COX7B2: variants seen among roughly 807,000 people sequenced by gnomAD.
The protein encoded by COX7B2 is cytochrome c oxidase subunit 7B2, also known as cytochrome c oxidase subunit 7B2, mitochondrial.
For missense variants in COX7B2, 109 were observed against 95.9 expected (o/e 1.14, Z -0.57); for synonymous variants, 37 against 32.1 (o/e 1.15, Z -0.51).
At chr4:46,824,942 G>A (rs537408183) in intron 2 of COX7B2, among the ~76,000 whole-genome samples, 7 of 152,048 alleles carry the variant, frequency 4.6e-5, no homozygotes, top group South Asian at 2.1e-4. Flanking sequence ...ATAGGCAAAC[G>A]CTGGAAGCAT....
In COX7B2 at chr4:46,876,921, G is replaced by T. The variant is rs193050088; in HGVS notation, c.-104-31907C>A. On this transcript the variant is annotated intron_variant, in intron 1 of 2. Coordinates refer to ENST00000355591, the MANE Select transcript of COX7B2 (RefSeq NM_130902.3). The stretch of plus-strand genomic sequence containing the variant: ...TATTTTTCTGGCAACAGCTACTTTT[G>T]TATATAAAAATTTACCAAACTTTAC... Among the ~76,000 whole-genome samples the T allele has an allele frequency of 1.9e-3, 282 of 152,190 alleles. 1 individual carries two copies. The highest frequency in any genetic ancestry group is 2.7e-3 in the Non-Finnish European group (186 of 68,008).
intron 2 of COX7B2, among the ~76,000 whole-genome samples, chr4:46,799,504 G>A (rs1718538243): frequency 2.0e-5 from 3 of 152,220 alleles, no homozygotes; most frequent in East Asian, 1.9e-4. Flanking sequence ...GTCACAGATA[G>A]CTCTTATTAT....
At chr4:46,782,254 G>T (rs113416519) in intron 2 of COX7B2, among the ~76,000 whole-genome samples, 1 of 152,054 alleles carries the variant, frequency 6.6e-6, no homozygotes, top group Non-Finnish European at 1.5e-5. Context: ...ATCTGGTGGG[G>T]ACTTGGAGAA....
At chr4:46,801,280 A>C (rs1478037098) in intron 2 of COX7B2, among the ~76,000 whole-genome samples, 1 of 152,164 alleles carries the variant, frequency 6.6e-6, no homozygotes, top group Non-Finnish European at 1.5e-5. Context: ...AGACATATGC[A>C]CACATATGTT....
intron 2 of COX7B2, among the ~76,000 whole-genome samples, chr4:46,804,858 G>T (rs1322798555): frequency 6.6e-6 from 1 of 152,224 alleles, no homozygotes; most frequent in Non-Finnish European, 1.5e-5. Flanking sequence ...TGGTTGATGG[G>T]ACTGGGCACC....
chr4:46,775,933 T>C (rs1286293552), intron 2 of COX7B2, among the ~76,000 whole-genome samples: 2 of 152,140 alleles, frequency 1.3e-5, no homozygotes, highest in Non-Finnish European at 2.9e-5. Flanking sequence ...ATTCCCAAGT[T>C]TCTATAAAAA....
chr4:46,750,337 C>T (rs6810436), intron 2 of COX7B2, among the ~76,000 whole-genome samples: 49,692 of 151,606 alleles, frequency 0.33, 8,404 homozygotes, highest in South Asian at 0.47. Flanking sequence ...GAGGCTACAG[C>T]GAGCTATGAT....
chr4:46,745,738 T>C (rs1714985372), intron 2 of COX7B2, among the ~76,000 whole-genome samples: 1 of 152,178 alleles, frequency 6.6e-6, no homozygotes, highest in Non-Finnish European at 1.5e-5. Flanking sequence ...TTCTTTTAAG[T>C]TCCTGAGGGA....
intron 1 of COX7B2, among the ~76,000 whole-genome samples, chr4:46,901,630 T>C (rs1720075497): frequency 6.6e-6 from 1 of 152,232 alleles, no homozygotes; most frequent in Non-Finnish European, 1.5e-5. Context: ...CAGAAGACAT[T>C]AGCATTTGAA....
At chr4:46,858,329 C>G (rs1257192055) in intron 1 of COX7B2, among the ~76,000 whole-genome samples, 1 of 152,134 alleles carries the variant, frequency 6.6e-6, no homozygotes, top group Non-Finnish European at 1.5e-5. Flanking sequence ...CTCCTTCCCT[C>G]AAGTGATCCT....
chr4:46,743,032 T>C (rs889648993), intron 2 of COX7B2, among the ~76,000 whole-genome samples: 10 of 152,146 alleles, frequency 6.6e-5, no homozygotes, highest in Admixed American at 4.6e-4. Context: ...TACTCACTCT[T>C]TTTCCTTTCT....
At chr4:46,907,612 AT>A (rs1296028881) in intron 1 of COX7B2, among the ~76,000 whole-genome samples, 1 of 152,022 alleles carries the variant, frequency 6.6e-6, no homozygotes, top group Non-Finnish European at 1.5e-5. Context: ...CCGTAATTTG[AT>A]ATCCATATGC....
chr4:46,761,055 A>G (rs1287794402), intron 2 of COX7B2, among the ~76,000 whole-genome samples: 1 of 152,050 alleles, frequency 6.6e-6, no homozygotes, highest in East Asian at 1.9e-4. Flanking sequence ...TTGTCACCTG[A>G]GCTGGCTGCA....
At chr4:46,840,564 G>A (rs952883373) in intron 2 of COX7B2, among the ~76,000 whole-genome samples, 1 of 152,028 alleles carries the variant, frequency 6.6e-6, no homozygotes, top group Non-Finnish European at 1.5e-5. Context: ...ACTAATGGCT[G>A]ATAGTAGGCA....
chr4:46,796,249 C>T (rs1338233377), intron 2 of COX7B2, among the ~76,000 whole-genome samples: 20 of 148,174 alleles, frequency 1.3e-4, no homozygotes, highest in Admixed American at 4.7e-4. Context: ...TGAATAGGAG[C>T]GGTGAGAGAG....
chr4:46,904,948 C>T (rs1720286059), intron 1 of COX7B2, among the ~76,000 whole-genome samples: 1 of 152,166 alleles, frequency 6.6e-6, no homozygotes, highest in Admixed American at 6.5e-5. Flanking sequence ...GTAGAACCTA[C>T]TAAATGGATT....
chr4:46,876,233 A>C (rs1288706293), intron 1 of COX7B2, among the ~76,000 whole-genome samples: 1 of 152,164 alleles, frequency 6.6e-6, no homozygotes. Context: ...AGAGACATGC[A>C]TGGGGCAAAT....
rs1166257140 is a variant in COX7B2 at position 46,844,954 on chromosome 4, C to T, written c.-50+6G>A. ...AGTGTGGGTCTTTTCCATATTTTCT[C>T]GTTACCTGTTAGAAATCTGAAGCTC... On this transcript the variant is annotated splice_donor_region_variant and intron_variant, in intron 2 of 2. Transcript: ENST00000355591. 2 of 151,854 alleles carry T rather than the reference C, an allele frequency of 1.3e-5. No homozygotes were observed. Among genetic ancestry groups the T allele is most frequent in the African/African-American group, 2.4e-5 (1 of 41,364 alleles). The allele number at this position is 151,854 out of a possible 1,614,324, so 9.4% of individuals were successfully genotyped here.
intron 1 of COX7B2, among the ~76,000 whole-genome samples, chr4:46,888,860 C>A (rs760540061): frequency 6.6e-6 from 1 of 152,124 alleles, no homozygotes; most frequent in Admixed American, 6.5e-5. Flanking sequence ...TGTATGCCAC[C>A]AACACCACAA....
Sources: gnomAD v4.1 joint callset for allele counts (sites outside exome capture counted in the v4.1 genomes callset) on GRCh38, gnomAD v4.1.1 for gene constraint, MANE v1.5 for transcripts, NCBI Gene and HGNC (gene_info 2026-07-23, HGNC 2026-07-21) for gene names.